The following AKAP6 variants were observed in gnomAD, a reference collection of about 807,000 sequenced individuals.
AKAP6 encodes A-kinase anchor protein 6.
In AKAP6, 58 loss-of-function variants were observed where a neutral mutation model predicts 188.5. That is an observed-to-expected ratio of 0.31 (90% CI 0.25 to 0.38). The LOEUF is 0.38. AKAP6 is among the 10% of genes least tolerant of loss of function. The pLI is 1.00. For missense variants in AKAP6, 2,710 were observed against 2,740.0 expected, an observed-to-expected ratio of 0.99 and a Z score of 0.24; for synonymous variants, 989 against 998.6, an observed-to-expected ratio of 0.99 and a Z score of 0.18.
In AKAP6 at chr14:32,678,320, C is replaced by A; in HGVS notation, c.2740C>A (p.Gln914Lys). ...TTGTTTCTCTTTCCAGGCTGAGGTT[C>A]AACTATGCTACCTGGAAGCACAAAG... ...EGTGSPKAEV[Q>K]LCYLEAQRDA... is the part of the protein sequence containing the mutation. Residue 914 changes from glutamine to lysine, a missense_variant, in exon 8 of 14, where the codon CAA becomes AAA. Physicochemically the swap from Gln to Lys is moderately conservative, Grantham distance 53. Transcript: ENST00000280979. The A allele has an allele frequency of 6.2e-7, 1 of 1,608,890 alleles. No individual in the cohort carries two copies. Among genetic ancestry groups the A allele is most frequent in the Non-Finnish European group, 8.5e-7 (1 of 1,176,124 alleles).
chr14:32,788,097 A>T (rs1356603353), intron 12 of AKAP6, among the ~76,000 whole-genome samples: 1 of 151,978 alleles, frequency 6.6e-6, no homozygotes, highest in Non-Finnish European at 1.5e-5. Context: ...TTTAAATTAC[A>T]CATGAAGGGC....
chr14:32,621,982 G>A (rs1377615020), intron 7 of AKAP6, among the ~76,000 whole-genome samples: 1 of 152,004 alleles, frequency 6.6e-6, no homozygotes, highest in African/African-American at 2.4e-5. Context: ...CAAATATGTA[G>A]GTAGTCTCAA....
chr14:32,786,835 G>A (rs1050132041), intron 12 of AKAP6, among the ~76,000 whole-genome samples: 1 of 152,158 alleles, frequency 6.6e-6, no homozygotes, highest in Non-Finnish European at 1.5e-5. Context: ...ATTTCAAAGA[G>A]TGTGCTTTTG....
At chr14:32,416,479 T>C (rs772937061) in intron 1 of AKAP6, among the ~76,000 whole-genome samples, 1 of 152,222 alleles carries the variant, frequency 6.6e-6, no homozygotes, top group Non-Finnish European at 1.5e-5. Context: ...TTCTACAGGC[T>C]GTCTTTTTAT....
rs932826609 is a variant in AKAP6 at position 32,834,968 on chromosome 14, A to C, written c.*5163A>C. On this transcript the variant is annotated 3_prime_UTR_variant, in exon 14 of 14. Transcript: ENST00000280979. The stretch of plus-strand genomic sequence containing the variant: ...TTTTTTAGTAGTTAAACAAAAGAAT[A>C]CTTCATGACATGTGAAAATCATATG... The C allele has an allele frequency of 1.3e-5, 2 of 152,330 alleles. No homozygotes were observed. The highest frequency in any genetic ancestry group is 4.8e-5 in the African/African-American group (2 of 41,584). 9.4% of individuals were successfully genotyped at this position (152,330 alleles called of 1,614,324 possible). A position where few individuals can be genotyped will look rare whatever the true frequency, so the allele number is the denominator to read the frequency against.
chr14:32,785,079 C>G (rs1349481712), intron 12 of AKAP6, among the ~76,000 whole-genome samples: 1 of 151,966 alleles, frequency 6.6e-6, no homozygotes, highest in African/African-American at 2.4e-5. Context: ...TCTGCAGACT[C>G]AAGTTAGACT....
chr14:32,373,203 T>A (rs1888064291), intron 1 of AKAP6: 1 of 152,056 alleles, frequency 6.6e-6, no homozygotes, highest in Admixed American at 6.6e-5. Flanking sequence ...AAAGAGTAAT[T>A]CACACAGAGC....
intron 9 of AKAP6, among the ~76,000 whole-genome samples, chr14:32,730,563 G>T (rs140145450): frequency 1.3e-5 from 2 of 152,048 alleles, no homozygotes; most frequent in African/African-American, 4.8e-5. Context: ...GGGTGAAGAG[G>T]GGGGGATGAG....
chr14:32,536,922 C>T (rs1041833822), intron 3 of AKAP6, among the ~76,000 whole-genome samples: 15 of 152,104 alleles, frequency 9.9e-5, no homozygotes, highest in Non-Finnish European at 1.5e-4. Context: ...AGTCCTTCGG[C>T]TCTTAATACC....
chr14:32,752,434 T>C (rs1161704430), intron 11 of AKAP6, among the ~76,000 whole-genome samples: 1 of 152,150 alleles, frequency 6.6e-6, no homozygotes, highest in Non-Finnish European at 1.5e-5. Flanking sequence ...GGGTTTGATA[T>C]GGGACAATTA....
chr14:32,444,351 C>T lies in AKAP6; in HGVS notation c.324+10534C>T, dbSNP rs376142670. On this transcript the variant is annotated intron_variant, in intron 2 of 13. Transcript: ENST00000280979. The stretch of plus-strand genomic sequence containing the variant: ...TGGTTTTCTTAGTTTAATTTGCTCT[C>T]GTCACGCTCAAACTGAACTTATATG... Among the ~76,000 whole-genome samples the T allele has an allele frequency of 3.3e-5, 5 of 152,108 alleles. No homozygotes were observed. The East Asian group carries it at 9.6e-4, about 29-fold the overall frequency.
rs1326636272 is a variant in AKAP6, at chr14:32,404,691, G to T, written c.-34-28769G>T. Among the ~76,000 whole-genome samples the T allele has an allele frequency of 3.6e-4, 16 of 44,432 alleles. 1 individual carries two copies. Among genetic ancestry groups the T allele is most frequent in the Admixed American group, 8.8e-4 (3 of 3,396 alleles). 29.1% of individuals were successfully genotyped at this position (44,432 alleles called of 152,430 possible). On this transcript the variant is annotated intron_variant, in intron 1 of 13. Coordinates refer to ENST00000280979, the MANE Select transcript of AKAP6 (RefSeq NM_004274.5). Reference sequence around the variant, plus strand: ...AGAGTGGGGTTATGAGGAGTCAGGAGATATATATATATATATATATTAGTC... The same window carrying T: ...AGAGTGGGGTTATGAGGAGTCAGGATATATATATATATATATATATTAGTC...
At chr14:32,374,531 G>A (rs1888102839) in intron 1 of AKAP6, among the ~76,000 whole-genome samples, 1 of 152,202 alleles carries the variant, frequency 6.6e-6, no homozygotes, top group South Asian at 2.1e-4. Context: ...TCAGTAGGAG[G>A]ATGGAAGGCT....
chr14:32,485,751 C>T (rs925898699), intron 2 of AKAP6, among the ~76,000 whole-genome samples: 2 of 152,000 alleles, frequency 1.3e-5, no homozygotes, highest in African/African-American at 4.8e-5. Context: ...AATTTTTCTC[C>T]CATTCTGTAG....
intron 8 of AKAP6, among the ~76,000 whole-genome samples, chr14:32,689,841 G>C (rs145122224): frequency 6.6e-6 from 1 of 151,874 alleles, no homozygotes; most frequent in Non-Finnish European, 1.5e-5. Flanking sequence ...ACTCCTTTAC[G>C]TGTCTTTTTT....
chr14:32,549,248 A>T (rs994095523), intron 4 of AKAP6, among the ~76,000 whole-genome samples: 10 of 152,174 alleles, frequency 6.6e-5, no homozygotes, highest in African/African-American at 1.9e-4. Context: ...GAAGTGATCA[A>T]TAAGTACCGA....
chr14:32,413,806 G>C (rs1889569287), intron 1 of AKAP6, among the ~76,000 whole-genome samples: 1 of 151,970 alleles, frequency 6.6e-6, no homozygotes, highest in African/African-American at 2.4e-5. Flanking sequence ...TTTATCACAG[G>C]CAGGAGGGAG....
At chr14:32,643,036 A>G (rs959918632) in intron 7 of AKAP6, among the ~76,000 whole-genome samples, 27 of 152,196 alleles carry the variant, frequency 1.8e-4, no homozygotes, top group African/African-American at 6.5e-4. Context: ...ACTTACTAGG[A>G]CAACTAGAGC....
chr14:32,406,939 C>T (rs1479426227), intron 1 of AKAP6, among the ~76,000 whole-genome samples: 1 of 152,178 alleles, frequency 6.6e-6, no homozygotes. Context: ...TATAATTCTA[C>T]ATAACAAATG....
Sources: allele counts gnomAD v4.1 joint callset (sites outside exome capture counted in the v4.1 genomes callset), GRCh38; gene constraint gnomAD v4.1.1; transcripts MANE v1.5; gene names NCBI Gene and HGNC (gene_info 2026-07-23, HGNC 2026-07-21).